The following MB variants were observed in gnomAD, a reference collection of about 807,000 sequenced individuals.
MB encodes myoglobin.
In MB, 10 loss-of-function variants were observed where a neutral mutation model predicts 14.5. That is an observed-to-expected ratio of 0.69 (90% CI 0.43 to 1.17). MB has a LOEUF of 1.17. Ranked by LOEUF, MB falls within the 50% of genes most tolerant of loss-of-function variation. The probability of loss-of-function intolerance (pLI) is 0.00; values close to 1 mark genes in which losing one functional copy is unlikely to be tolerated. For synonymous variants in MB, 89 were observed against 78.6 expected, an observed-to-expected ratio of 1.13 and a Z score of -0.70; for missense variants, 169 against 192.7, an observed-to-expected ratio of 0.88 and a Z score of 0.73.
chr22:35,614,449 A>T (rs2145919432), intron 1 of MB, among the ~76,000 whole-genome samples: 1 of 150,538 alleles, frequency 6.6e-6, no homozygotes, highest in African/African-American at 2.4e-5. Context: ...TTAGCCAGGC[A>T]TGGTGGCATG....
At chr22:35,619,774 G>C (rs934867028), upstream of MB, among the ~76,000 whole-genome samples, 17 of 152,228 alleles carry the variant, frequency 1.1e-4, no homozygotes, top group African/African-American at 3.9e-4. Context: ...AACGCCCTCT[G>C]TGTGGGTCTC....
intron 2 of MB, 100 bp downstream of exon 2, chr22:35,610,784 T>A: frequency 1.1e-6 from 1 of 884,228 alleles, no homozygotes; most frequent in Non-Finnish European, 1.8e-6. Context: ...GCATAGGTCA[T>A]CCCACAAGTT....
chr22:35,613,763 G>A (rs1429625047), intron 1 of MB, among the ~76,000 whole-genome samples: 1 of 152,172 alleles, frequency 6.6e-6, no homozygotes, highest in Non-Finnish European at 1.5e-5. Context: ...CTCCCAAAGT[G>A]CTGGGATTAT....
At chr22:35,623,099 C>T (rs530392010) in intron 1 of MB, 1 of 152,512 alleles carries the variant, frequency 6.6e-6, no homozygotes, top group East Asian at 1.9e-4. Context: ...GACACCCCTC[C>T]TCCCAGCAGC....
At chr22:35,617,112 C>T in intron 1 of MB, 51 bp downstream of exon 1, 1 of 1,450,862 alleles carries the variant, frequency 6.9e-7, no homozygotes, top group Non-Finnish European at 9.7e-7. Flanking sequence ...AGCTGAACAC[C>T]CTTGATCTTA....
At chr22:35,618,222 G>A (rs937602761), upstream of MB, among the ~76,000 whole-genome samples, 14 of 152,170 alleles carry the variant, frequency 9.2e-5, no homozygotes, top group Non-Finnish European at 1.9e-4. Flanking sequence ...ACAACTAGTC[G>A]CTGGCAGAGT....
intron 1 of MB, among the ~76,000 whole-genome samples, chr22:35,616,869 C>G (rs45494093): frequency 1.3e-5 from 2 of 152,120 alleles, no homozygotes; most frequent in Non-Finnish European, 2.9e-5. Flanking sequence ...CTCTCAGGAC[C>G]CTTGTTAACT....
intron 1 of MB, 115 bp downstream of exon 1, chr22:35,617,048 C>A: frequency 1.3e-6 from 1 of 784,696 alleles, no homozygotes; most frequent in South Asian, 1.5e-5. Context: ...CGTTCTAACA[C>A]CCTTAACTAA....
chr22:35,617,148 A>G lies in MB; in HGVS notation c.95+15T>C. 2 of 1,600,334 alleles carry G rather than the reference A, an allele frequency of 1.2e-6. No homozygotes were observed. The highest frequency in any genetic ancestry group is 1.7e-6 in the Non-Finnish European group (2 of 1,167,472). On this transcript the variant is annotated intron_variant, in intron 1 of 2. Transcript: ENST00000397326. ...GGGTGTGGGTGGCAGGGGCAATGGA[A>G]TCTCTTCCTTTTACCTGATGAGGAC...
intron 1 of MB, chr22:35,622,695 T>A (rs918022146): frequency 1.2e-4 from 18 of 152,492 alleles, no homozygotes; most frequent in Admixed American, 4.6e-4. Flanking sequence ...TCAACAGGTG[T>A]GGCCTGGGAC....
chr22:35,620,808 C>T (rs189253513), upstream of MB, among the ~76,000 whole-genome samples: 1 of 152,346 alleles, frequency 6.6e-6, no homozygotes, highest in Non-Finnish European at 1.5e-5. Flanking sequence ...TCTCCCGTCT[C>T]TGGCCTCCTG....
At chr22:35,613,957 C>T (rs45442893) in intron 1 of MB, among the ~76,000 whole-genome samples, 14,007 of 152,272 alleles carry the variant, frequency 0.092, 736 homozygotes, top group African/African-American at 0.14. Flanking sequence ...TTGCCTGATC[C>T]GGAAAATGAA....
upstream of MB, among the ~76,000 whole-genome samples, chr22:35,620,784 C>T (rs1052269273): frequency 7.2e-5 from 11 of 152,282 alleles, no homozygotes; most frequent in African/African-American, 1.4e-4. Context: ...GATTACTACC[C>T]GAATCCCAGC....
chr22:35,613,919 G>A (rs1292404200), intron 1 of MB, among the ~76,000 whole-genome samples: 1 of 152,220 alleles, frequency 6.6e-6, no homozygotes, highest in East Asian at 1.9e-4. Context: ...AGCCCCCCAG[G>A]CAGCCACAGA....
chr22:35,612,176 T>C (rs1381697836), intron 1 of MB, among the ~76,000 whole-genome samples: 2 of 152,176 alleles, frequency 1.3e-5, no homozygotes, highest in Non-Finnish European at 2.9e-5. Flanking sequence ...TTTCAGTTCC[T>C]TGAAAAGCTC....
At chr22:35,615,855 G>A (rs1423843078) in intron 1 of MB, 1 of 152,236 alleles carries the variant, frequency 6.6e-6, no homozygotes, top group Non-Finnish European at 1.5e-5. Flanking sequence ...AGGGACAGGA[G>A]AAGAAAGACA....
intron 2 of MB, among the ~76,000 whole-genome samples, chr22:35,609,695 G>A (rs1245377928): frequency 6.6e-6 from 1 of 152,166 alleles, no homozygotes; most frequent in Non-Finnish European, 1.5e-5. Flanking sequence ...ATGGGGATGA[G>A]AAGGGTACTT....
At chr22:35,616,194 G>C (rs967908731) in intron 1 of MB, among the ~76,000 whole-genome samples, 1 of 152,172 alleles carries the variant, frequency 6.6e-6, no homozygotes, top group Non-Finnish European at 1.5e-5. Flanking sequence ...TAACCTATTA[G>C]ACTTCTGAGG....
rs552775949 is a variant in MB at position 35,608,219 on chromosome 22, C to A, written c.319-776G>T. ...TGGAAAGACTCATGGATGTGAAATG[C>A]GGCTGTGCTTTCTCAAGTTAACCAG... is the stretch of plus-strand genomic sequence containing the variant. On this transcript the variant is annotated intron_variant, in intron 2 of 2. Coordinates refer to ENST00000397326, the MANE Select transcript of MB (RefSeq NM_005368.3). This position sits in a 1 kb window ranked among gnomAD's most constrained non-coding sequence, Gnocchi z 4.3. 6.6e-6 allele frequency among the ~76,000 whole-genome samples: 1 copy of A among 152,198 alleles called. No individual in the cohort carries two copies. Among genetic ancestry groups the A allele is most frequent in the Non-Finnish European group, 1.5e-5 (1 of 68,044 alleles).
Sources: allele counts gnomAD v4.1 joint callset (sites outside exome capture counted in the v4.1 genomes callset), GRCh38; gene constraint gnomAD v4.1.1; non-coding constraint Gnocchi (gnomAD v3.1); transcripts MANE v1.5; gene names NCBI Gene and HGNC (gene_info 2026-07-23, HGNC 2026-07-21).